MAP2K6: variants seen among roughly 807,000 people sequenced by gnomAD.
MAP2K6 encodes dual specificity mitogen-activated protein kinase kinase 6.
A neutral mutation model predicts 53.7 loss-of-function variants in MAP2K6; 16 were observed. That is an observed-to-expected ratio of 0.30 (90% CI 0.20 to 0.45). The LOEUF is 0.45. Ranked by LOEUF, MAP2K6 falls within the 20% of genes least tolerant of loss-of-function variation. MAP2K6 has a pLI of 1.00. For missense variants in MAP2K6, 204 were observed against 411.9 expected (o/e 0.50, Z 4.37); for synonymous variants, 132 against 143.1 (o/e 0.92, Z 0.55).
chr17:69,518,516 A>G (rs1910291871), intron 4 of MAP2K6, among the ~76,000 whole-genome samples: 1 of 152,246 alleles, frequency 6.6e-6, no homozygotes, highest in Non-Finnish European at 1.5e-5. Flanking sequence ...TATGAAAGGA[A>G]ATTTAAAATC....
intron 1 of MAP2K6, among the ~76,000 whole-genome samples, chr17:69,451,670 A>G (rs976336303): frequency 6.6e-6 from 1 of 152,172 alleles, no homozygotes; most frequent in Non-Finnish European, 1.5e-5. Context: ...TAACAGATTC[A>G]CCTGGTCCCA....
At chr17:69,437,616 G>A (rs1252336647) in intron 1 of MAP2K6, among the ~76,000 whole-genome samples, 1 of 152,200 alleles carries the variant, frequency 6.6e-6, no homozygotes, top group Non-Finnish European at 1.5e-5. Context: ...TGATTTTAGA[G>A]TATACAATTC....
intron 1 of MAP2K6, among the ~76,000 whole-genome samples, chr17:69,432,477 A>G (rs961182774): frequency 2.6e-5 from 4 of 152,204 alleles, no homozygotes; most frequent in Admixed American, 2.0e-4. Context: ...GCAGCCATAA[A>G]AAGGAATGAG....
intron 1 of MAP2K6, among the ~76,000 whole-genome samples, chr17:69,441,595 G>C (rs769948998): frequency 2.6e-5 from 4 of 152,114 alleles, no homozygotes; most frequent in Non-Finnish European, 5.9e-5. Context: ...TCTCACTTCT[G>C]TGTCGTTTCA....
intron 4 of MAP2K6, among the ~76,000 whole-genome samples, 196 bp from the exon 5 acceptor site, chr17:69,519,117 C>T (rs1303107977): frequency 2.0e-5 from 3 of 152,218 alleles, no homozygotes; most frequent in African/African-American, 7.2e-5. Flanking sequence ...CTTACCAGGA[C>T]TATTCAGGAA....
intron 8 of MAP2K6, among the ~76,000 whole-genome samples, chr17:69,523,875 A>G (rs1910622502): frequency 6.6e-6 from 1 of 152,220 alleles, no homozygotes; most frequent in African/African-American, 2.4e-5. Context: ...CAGGCAGCAT[A>G]TAAACAACAG....
At position 69,521,346 on chromosome 17, in the gene MAP2K6, A is replaced by G. The variant is rs1160372470; in HGVS notation, c.535+246A>G. 5 of 399,352 alleles carry G rather than the reference A, an allele frequency of 1.3e-5. No individual in the cohort carries two copies. The Admixed American group carries it at 2.2e-4, about 18-fold the overall frequency. 24.7% of individuals were successfully genotyped at this position (399,352 alleles called of 1,614,324 possible). A position where few individuals can be genotyped will look rare whatever the true frequency, so the allele number is the denominator to read the frequency against. Reference sequence around the variant, plus strand: ...AATTGAATATAAACACTTGTTAGCAAGCAGAGCTATGAGATCATATCATTG... The same window carrying G: ...AATTGAATATAAACACTTGTTAGCAGGCAGAGCTATGAGATCATATCATTG... On this transcript the variant is annotated intron_variant, in intron 7 of 11. Transcript: ENST00000590474.
chr17:69,496,589 G>A (rs777632623), intron 1 of MAP2K6, among the ~76,000 whole-genome samples: 8 of 152,074 alleles, frequency 5.3e-5, no homozygotes, highest in South Asian at 2.1e-4. Context: ...GGCTGGTCTC[G>A]AACTCCTGAC....
Position 69,414,827 on chromosome 17 carries a change from G to A in MAP2K6, c.-158G>A. 1.5e-6 allele frequency: 1 copy of A among 659,128 alleles called. No individual in the cohort carries two copies. Among genetic ancestry groups the A allele is most frequent in the Non-Finnish European group, 2.7e-6 (1 of 369,814 alleles). 40.8% of individuals were successfully genotyped at this position (659,128 alleles called of 1,614,324 possible). On this transcript the variant is annotated 5_prime_UTR_variant, in exon 1 of 12. Coordinates refer to ENST00000590474, the MANE Select transcript of MAP2K6 (RefSeq NM_002758.4). Reference sequence around the variant, plus strand: ...TTTGCAAGGTGTGCATTTCCATCTTGATTCCCTGAAAGTCCATCTGCTGCA... The same window carrying A: ...TTTGCAAGGTGTGCATTTCCATCTTAATTCCCTGAAAGTCCATCTGCTGCA...
At position 69,494,269 on chromosome 17, in the gene MAP2K6, G is replaced by A. The variant is rs1299947126; in HGVS notation, c.17-11511G>A. Reference sequence around the variant, plus strand: ...TCCCAGCATGTTGGGAGGCCAAGGCGGGCAGATCACCTGAGGCCGAGAGTT... The same window carrying A: ...TCCCAGCATGTTGGGAGGCCAAGGCAGGCAGATCACCTGAGGCCGAGAGTT... On this transcript the variant is annotated intron_variant, in intron 1 of 11. Transcript: ENST00000590474. This position sits in a 1 kb window ranked among gnomAD's most constrained non-coding sequence, Gnocchi z 4.2. Among the ~76,000 whole-genome samples, 7 of 152,136 alleles carry A rather than the reference G, an allele frequency of 4.6e-5. No homozygotes were observed. The highest frequency in any genetic ancestry group is 3.9e-4 in the Admixed American group (6 of 15,268).
chr17:69,509,501 T>C lies in MAP2K6; in HGVS notation c.83+3655T>C, dbSNP rs189001510. Among the ~76,000 whole-genome samples, 40 of 152,334 alleles carry C rather than the reference T, an allele frequency of 2.6e-4. No individual in the cohort carries two copies. In the East Asian group the frequency reaches 4.1e-3, roughly 15 times the overall value. ...TCTGTGACTTTACTAAAATCACTTATTAGTTCTAGAAGCTTGTCATCGAAT... is the reference window on the plus strand; with the variant it reads ...TCTGTGACTTTACTAAAATCACTTACTAGTTCTAGAAGCTTGTCATCGAAT... On this transcript the variant is annotated intron_variant, in intron 2 of 11. Coordinates refer to ENST00000590474, the MANE Select transcript of MAP2K6 (RefSeq NM_002758.4).
At position 69,546,679 on chromosome 17, in the gene MAP2K6, T is replaced by C. The variant is rs535818431; in HGVS notation, c.*4926T>C. The C allele has an allele frequency of 6.6e-5, 10 of 152,316 alleles. No homozygotes were observed. The highest frequency in any genetic ancestry group is 3.9e-4 in the East Asian group (2 of 5,190). The allele number at this position is 152,316 out of a possible 1,614,324, so 9.4% of individuals were successfully genotyped here. ...AAGATTTATATATTTACAAAATTTATTGGAGCTGGTAGTCAGATCTAGTAA... is the reference window on the plus strand; with the variant it reads ...AAGATTTATATATTTACAAAATTTACTGGAGCTGGTAGTCAGATCTAGTAA... On this transcript the variant is annotated 3_prime_UTR_variant, in exon 12 of 12. Transcript: ENST00000590474.
At chr17:69,492,777 ATCT>A (rs34661789) in intron 1 of MAP2K6, among the ~76,000 whole-genome samples, 6,603 of 152,210 alleles carry the variant, frequency 0.043, 411 homozygotes, top group East Asian at 0.15. Flanking sequence ...ATTTAGGCTC[ATCT>A]TCTCATCTCA....
At chr17:69,527,307 T>A (rs1910827686) in intron 10 of MAP2K6, among the ~76,000 whole-genome samples, 1 of 152,192 alleles carries the variant, frequency 6.6e-6, no homozygotes, top group Non-Finnish European at 1.5e-5. Context: ...GAACCTTGGT[T>A]GCTACTGAAT....
rs184127926 is a variant in MAP2K6 at position 69,511,776 on chromosome 17, G to A, written c.84-5079G>A. Among the ~76,000 whole-genome samples, 41 of 152,252 alleles carry A rather than the reference G, an allele frequency of 2.7e-4. No homozygotes were observed. The East Asian group carries it at 6.6e-3, about 24-fold the overall frequency. On this transcript the variant is annotated intron_variant, in intron 2 of 11. Transcript: ENST00000590474. The stretch of plus-strand genomic sequence containing the variant: ...AAACTTCACTAGTTGAATATCTTAG[G>A]CAAAATACCTAACTGCGCTAAGCCT...
chr17:69,469,137 A>G (rs1280060112), intron 1 of MAP2K6, among the ~76,000 whole-genome samples: 1 of 152,166 alleles, frequency 6.6e-6, no homozygotes, highest in Non-Finnish European at 1.5e-5. Context: ...CTGTCAGTTG[A>G]GGACTGTCGC....
At chr17:69,464,582 A>G (rs753823637) in intron 1 of MAP2K6, among the ~76,000 whole-genome samples, 2 of 151,996 alleles carry the variant, frequency 1.3e-5, no homozygotes, top group Non-Finnish European at 2.9e-5. Flanking sequence ...AGGTTTCACT[A>G]TGTTGCCCAA....
chr17:69,436,628 C>T (rs817564), intron 1 of MAP2K6, among the ~76,000 whole-genome samples: 65,607 of 151,860 alleles, frequency 0.43, 15,057 homozygotes, highest in Non-Finnish European at 0.52. Context: ...TAAATTCATC[C>T]TCCCTTTTCT....
intron 1 of MAP2K6, among the ~76,000 whole-genome samples, chr17:69,445,534 A>G (rs1183511545): frequency 1.3e-5 from 2 of 152,148 alleles, no homozygotes; most frequent in Non-Finnish European, 2.9e-5. Context: ...AAGAATACAT[A>G]TTTTTCTTGT....
Sources: allele counts gnomAD v4.1 joint callset (sites outside exome capture counted in the v4.1 genomes callset), GRCh38; gene constraint gnomAD v4.1.1; non-coding constraint Gnocchi (gnomAD v3.1); transcripts MANE v1.5; gene names NCBI Gene and HGNC (gene_info 2026-07-23, HGNC 2026-07-21).